TMED7: variants seen among roughly 807,000 people sequenced by gnomAD.
TMED7 encodes the protein transmembrane p24 trafficking protein 7, also known as transmembrane emp24 domain-containing protein 7.
In TMED7, 8 loss-of-function variants were observed where a neutral mutation model predicts 23.4. The ratio of observed to expected loss-of-function variants is 0.34; its 90% CI spans 0.20 to 0.62. The LOEUF (loss-of-function observed/expected upper bound fraction) is 0.62, where lower values mean the gene tolerates loss of function less well. Among genes scored for constraint, TMED7 ranks in the 20% least tolerant of loss-of-function variants. TMED7 has a pLI of 0.77. For synonymous variants in TMED7, 121 were observed against 108.5 expected (o/e 1.12, Z -0.72); for missense variants, 232 against 279.1 (o/e 0.83, Z 1.20).
chr5:115,622,116 G>A (rs572706879), intron 1 of TMED7, among the ~76,000 whole-genome samples: 27 of 152,128 alleles, frequency 1.8e-4, no homozygotes, highest in Middle Eastern at 3.4e-3. Context: ...TTTTCTCCAG[G>A]TGAAAATAAC....
Position 115,625,955 on chromosome 5 carries a change from T to C in TMED7, c.-163A>G. The stretch of plus-strand genomic sequence containing the variant: ...TTCGGGATCAGAGCGACCCTCCGGC[T>C]TCCTGTGAGGGGCGCAGACGGGCGG... On this transcript the variant is annotated 5_prime_UTR_variant, in exon 1 of 3. Transcript: ENST00000456936. 1 of 1,031,460 alleles carries C rather than the reference T, an allele frequency of 9.7e-7. No individual in the cohort carries two copies. Among genetic ancestry groups the C allele is most frequent in the Non-Finnish European group, 1.3e-6 (1 of 796,028 alleles). 63.9% of individuals were successfully genotyped at this position (1,031,460 alleles called of 1,614,324 possible).
chr5:115,626,005 G>A lies in TMED7; in HGVS notation c.-213C>T. The A allele has an allele frequency of 1.8e-6, 1 of 564,816 alleles. No homozygotes were observed. The allele number at this position is 564,816 out of a possible 1,614,324, so 35.0% of individuals were successfully genotyped here. ...GACCTGGGGAGGTAAAAGAGAAGCGGAAAAGGCCTGAGAGGGTCGGAAGTG... is the reference window on the plus strand; with the variant it reads ...GACCTGGGGAGGTAAAAGAGAAGCGAAAAAGGCCTGAGAGGGTCGGAAGTG... On this transcript the variant is annotated 5_prime_UTR_variant, in exon 1 of 3. Transcript: ENST00000456936.
intron 2 of TMED7, chr5:115,616,648 G>C (rs1329897284): frequency 1.3e-6 from 1 of 741,072 alleles, no homozygotes; most frequent in Non-Finnish European, 2.1e-6. Context: ...TAAGGCTAGA[G>C]ATCTCATGAA....
chr5:115,617,655 AAAGTACAC>A (rs1251574485), intron 2 of TMED7, among the ~76,000 whole-genome samples: 1 of 152,222 alleles, frequency 6.6e-6, no homozygotes, highest in African/African-American at 2.4e-5. Flanking sequence ...CTTCACCTGG[AAAGTACAC>A]ATAAAGGCAA....
Position 115,614,960 on chromosome 5 carries a change from T to C in TMED7, c.*1249A>G, listed in dbSNP as rs1398248462. ...AAAAACAGCAGAAAAGCTTTAAATA[T>C]CTATATAATTTTGAATCATCTTGTA... is the stretch of plus-strand genomic sequence containing the variant. On this transcript the variant is annotated 3_prime_UTR_variant, in exon 3 of 3. Coordinates refer to ENST00000456936, the MANE Select transcript of TMED7 (RefSeq NM_181836.6). The C allele has an allele frequency of 2.0e-5, 3 of 151,574 alleles. No individual in the cohort carries two copies. Among genetic ancestry groups the C allele is most frequent in the Non-Finnish European group, 4.4e-5 (3 of 67,848 alleles). The allele number at this position is 151,574 out of a possible 1,614,324, so 9.4% of individuals were successfully genotyped here.
Position 115,614,810 on chromosome 5 carries a change from A to G in TMED7, c.*1399T>C, listed in dbSNP as rs931685802. On this transcript the variant is annotated 3_prime_UTR_variant, in exon 3 of 3. Coordinates refer to ENST00000456936, the MANE Select transcript of TMED7 (RefSeq NM_181836.6). ...GGTAAGTGACTAGGATGGCTATCCA[A>G]TCAGTATTCTATGGTATCACATACC... is the stretch of plus-strand genomic sequence containing the variant. The G allele has an allele frequency of 2.0e-5, 3 of 152,106 alleles. No individual in the cohort carries two copies. The highest frequency in any genetic ancestry group is 6.5e-5 in the Admixed American group (1 of 15,268). 9.4% of individuals were successfully genotyped at this position (152,106 alleles called of 1,614,324 possible). A position where few individuals can be genotyped will look rare whatever the true frequency, so the allele number is the denominator to read the frequency against.
chr5:115,625,553 A>C (rs190099998), intron 1 of TMED7, 48 bp downstream of exon 1: 1 of 1,476,174 alleles, frequency 6.8e-7, no homozygotes, highest in East Asian at 2.7e-5. Context: ...TACACCCCCA[A>C]TCCTGGAGCC....
intron 1 of TMED7, among the ~76,000 whole-genome samples, chr5:115,624,641 T>G (rs148225002): frequency 3.3e-4 from 51 of 152,328 alleles, no homozygotes; most frequent in African/African-American, 1.2e-3. Context: ...GCTGACCCCC[T>G]TGCTCTGGCT....
At chr5:115,625,504 A>G (rs1757169410) in intron 1 of TMED7, 97 bp downstream of exon 1, 3 of 1,331,976 alleles carry the variant, frequency 2.3e-6, no homozygotes, top group Non-Finnish European at 2.9e-6. Flanking sequence ...TTAGCCTAAG[A>G]ACGGGGAAAC....
Position 115,625,776 on chromosome 5 carries a change from G to T in TMED7, c.17C>A (p.Ser6Tyr). The T allele has an allele frequency of 6.9e-7, 1 of 1,452,322 alleles. No individual in the cohort carries two copies. Among genetic ancestry groups the T allele is most frequent in the South Asian group, 1.4e-5 (1 of 70,206 alleles). The allele number at this position is 1,452,322 out of a possible 1,614,324, so 90.0% of individuals were successfully genotyped here. A position where few individuals can be genotyped will look rare whatever the true frequency, so the allele number is the denominator to read the frequency against. ...CGCGACGGCCGCCCAGCGCTGCGCG[G>T]ACCCCGGCCGCGGCATCCCGAGAAG... MPRPG[S>Y]AQRWAAVAGR... The change falls in exon 1 of 3, where the codon TCC becomes TAC. Residue 6 changes from serine (S) to tyrosine (Y), a missense_variant. Physicochemically the swap from Ser to Tyr is moderately radical, Grantham distance 144. Around this residue, in one of 2 missense-constraint regions of TMED7, gnomAD observed 106 missense variants for 97.0 expected, o/e 1.09. Coordinates refer to ENST00000456936, the MANE Select transcript of TMED7 (RefSeq NM_181836.6).
At chr5:115,625,471 G>A in intron 1 of TMED7, 130 bp downstream of exon 1, 2 of 1,098,034 alleles carry the variant, frequency 1.8e-6, no homozygotes, top group Non-Finnish European at 2.4e-6. Context: ...CTGGGCATCA[G>A]CTACCTAGAA....
intron 2 of TMED7, among the ~76,000 whole-genome samples, chr5:115,618,940 T>A (rs1756908251): frequency 6.6e-6 from 1 of 152,226 alleles, no homozygotes; most frequent in Non-Finnish European, 1.5e-5. Flanking sequence ...AGCTGGTAAT[T>A]TTGTTCTGAA....
intron 1 of TMED7, 152 bp downstream of exon 1, chr5:115,625,449 G>A (rs1275053354): frequency 1.2e-6 from 1 of 861,454 alleles, no homozygotes; most frequent in Non-Finnish European, 1.6e-6. Context: ...TTTATTAGAG[G>A]AAAGTCAAAT....
chr5:115,617,828 C>T (rs945522912), intron 2 of TMED7, among the ~76,000 whole-genome samples: 8 of 152,214 alleles, frequency 5.3e-5, no homozygotes, highest in African/African-American at 1.7e-4. Context: ...GAGTCTCGCT[C>T]TGTCACCCAG....
At chr5:115,625,305 T>C (rs1458260629) in intron 1 of TMED7, among the ~76,000 whole-genome samples, 3 of 152,204 alleles carry the variant, frequency 2.0e-5, no homozygotes, top group Non-Finnish European at 4.4e-5. Context: ...AGAGTATAAA[T>C]GATTTTCTTT....
rs1374499511 is a variant in TMED7 at position 115,613,567 on chromosome 5, C to A, written c.*2642G>T. The A allele has an allele frequency of 6.6e-6, 1 of 151,912 alleles. No individual in the cohort carries two copies. Among genetic ancestry groups the A allele is most frequent in the African/African-American group, 2.4e-5 (1 of 41,388 alleles). The allele number at this position is 151,912 out of a possible 1,614,324, so 9.4% of individuals were successfully genotyped here. On this transcript the variant is annotated 3_prime_UTR_variant, in exon 3 of 3. Transcript: ENST00000456936. ...AGGTGCAATCCTGTTAAAGAAATTTCTTTTCAAAAGTAAATGAAAAACCCC... is the reference window on the plus strand; with the variant it reads ...AGGTGCAATCCTGTTAAAGAAATTTATTTTCAAAAGTAAATGAAAAACCCC...
In TMED7 at chr5:115,616,344, C is replaced by T; in HGVS notation, c.540G>A (p.Glu180=). 6.2e-7 allele frequency: 1 copy of T among 1,614,178 alleles called. No homozygotes were observed. The highest frequency in any genetic ancestry group is 8.5e-7 in the Non-Finnish European group (1 of 1,180,006). The change falls in exon 3 of 3, where the codon GAG becomes GAA. Residue 180 remains glutamate, a synonymous_variant. Coordinates refer to ENST00000456936, the MANE Select transcript of TMED7 (RefSeq NM_181836.6). ...AATAGGCCACTCTTGTATTTAGATCCTCTGCTCGGCTTCGGCCTTGAGCTT... is the reference window on the plus strand; with the variant it reads ...AATAGGCCACTCTTGTATTTAGATCTTCTGCTCGGCTTCGGCCTTGAGCTT... ...LREAQGRSRA[E]DLNTRVAYWS...
At chr5:115,622,393 G>A (rs939313000) in intron 1 of TMED7, among the ~76,000 whole-genome samples, 2 of 151,964 alleles carry the variant, frequency 1.3e-5, no homozygotes, top group African/African-American at 2.4e-5. Flanking sequence ...CAAATTCATC[G>A]CATTCCGAAA....
chr5:115,623,947 A>C (rs145845515), intron 1 of TMED7, among the ~76,000 whole-genome samples: 27 of 152,302 alleles, frequency 1.8e-4, no homozygotes, highest in African/African-American at 6.5e-4. Context: ...AGCTACTTCT[A>C]CGTTTTATGC....
Sources: allele counts gnomAD v4.1 joint callset (sites outside exome capture counted in the v4.1 genomes callset), GRCh38; gene constraint gnomAD v4.1.1; regional missense constraint gnomAD v4.1.1; transcripts MANE v1.5; gene names NCBI Gene and HGNC (gene_info 2026-07-23, HGNC 2026-07-21).